The following ABCC11 variants were observed in gnomAD, a reference collection of about 807,000 sequenced individuals.
The protein encoded by ABCC11 is ATP-binding cassette sub-family C member 11.
In ABCC11, 135 loss-of-function variants were observed where a neutral mutation model predicts 149.3. The observed-to-expected ratio is 0.90, with a 90% confidence interval of 0.79 to 1.04. ABCC11 has a LOEUF of 1.04. Ranked by LOEUF, ABCC11 falls within the 50% of genes least tolerant of loss-of-function variation. The pLI is 0.00. For synonymous variants in ABCC11, 665 were observed against 671.4 expected (o/e 0.99, Z 0.15); for missense variants, 1,680 against 1,722.1 (o/e 0.98, Z 0.43).
At chr16:48,213,621 T>C (rs956869139) in intron 9 of ABCC11, 71 bp from the exon 10 acceptor site, 113 of 1,193,104 alleles carry the variant, frequency 9.5e-5, no homozygotes, top group Non-Finnish European at 1.3e-4. Flanking sequence ...GTCACCCGCA[T>C]CCCTGAGCCA....
At chr16:48,177,170 C>G (rs1034727987) in intron 24 of ABCC11, 57 bp from the exon 25 acceptor site, 23 of 1,527,658 alleles carry the variant, frequency 1.5e-5, no homozygotes, top group Non-Finnish European at 1.9e-5. Context: ...CGGCCCATCC[C>G]CTGCGGGCCT....
intron 25 of ABCC11, among the ~76,000 whole-genome samples, chr16:48,176,387 G>C (rs1418681713): frequency 6.6e-6 from 1 of 152,114 alleles, no homozygotes. Flanking sequence ...AGGAGAGGAA[G>C]ACAGGGAGAG....
rs752422899 is a variant in ABCC11 at position 48,230,486 on chromosome 16, TC to T, written c.186del (p.Lys63SerfsTer6). The T allele has an allele frequency of 3.7e-5, 59 of 1,612,228 alleles. No individual in the cohort carries two copies. The highest frequency in any genetic ancestry group is 8.4e-5 in the Admixed American group (5 of 59,704). ...ATGGTTCTCAAGGCAGCATCATACTTCCCCCACGGTGGGACAGCTGCCCTCC... is the reference window on the plus strand; with the variant it reads ...ATGGTTCTCAAGGCAGCATCATACTTCCCCACGGTGGGACAGCTGCCCTCC... ...APGRAAVPPW[G>X]KYDAALRTMI... On this transcript the variant is annotated frameshift_variant, in exon 3 of 30. Coordinates refer to ENST00000356608, the MANE Select transcript of ABCC11 (RefSeq NM_001370497.1). LOFTEE classifies it high-confidence loss of function.
rs2150850147 is a variant in ABCC11, at chr16:48,208,565, G to A, written c.1609-69C>T. 5 of 1,557,802 alleles carry A rather than the reference G, an allele frequency of 3.2e-6. No individual in the cohort carries two copies. The South Asian group carries it at 5.6e-5, about 18-fold the overall frequency. ...CTGGCATACCCACCTGCCCATGGCG[G>A]CTCAACTGTTTAGAACCCAAAACAA... On this transcript the variant is annotated intron_variant, in intron 11 of 29. Transcript: ENST00000356608.
chr16:48,230,122 T>G (rs1349508908), intron 3 of ABCC11, among the ~76,000 whole-genome samples: 4 of 152,200 alleles, frequency 2.6e-5, no homozygotes, highest in African/African-American at 9.7e-5. Flanking sequence ...ATGCACAAGT[T>G]TATTTGCTTA....
rs148846162 is a variant in ABCC11 at position 48,211,999 on chromosome 16, T to C, written c.1357-800A>G. Among the ~76,000 whole-genome samples the C allele has an allele frequency of 6.2e-3, 943 of 152,296 alleles. 2 individuals are homozygous for C. The highest frequency in any genetic ancestry group is 0.011 in the Non-Finnish European group (719 of 68,024). On this transcript the variant is annotated intron_variant, in intron 10 of 29. Transcript: ENST00000356608. ...TCTTACCCATCCTTCTGAGCTCAGA[T>C]TGTGGCTTCCTCATCTCTGCCCCCT...
At chr16:48,177,640 T>C (rs1392874261) in intron 24 of ABCC11, among the ~76,000 whole-genome samples, 1 of 152,234 alleles carries the variant, frequency 6.6e-6, no homozygotes, top group Non-Finnish European at 1.5e-5. Flanking sequence ...CAGATCTGCC[T>C]AACGCCGAGC....
intron 23 of ABCC11, among the ~76,000 whole-genome samples, chr16:48,182,051 C>G (rs989353128): frequency 2.6e-5 from 4 of 152,174 alleles, no homozygotes; most frequent in Admixed American, 2.6e-4. Flanking sequence ...TTATTGCACT[C>G]CCAGTGCATG....
chr16:48,210,420 T>C (rs1246665814), intron 11 of ABCC11: 2 of 153,156 alleles, frequency 1.3e-5, no homozygotes, highest in African/African-American at 2.4e-5. Flanking sequence ...TTTATCATTA[T>C]ATATAGATCA....
chr16:48,232,077 T>A, intron 1 of ABCC11, 138 bp from the exon 2 acceptor site: 1 of 1,445,172 alleles, frequency 6.9e-7, no homozygotes, highest in East Asian at 2.5e-5. Context: ...GGGTGCCTGC[T>A]CTTTCCTCTC....
intron 13 of ABCC11, among the ~76,000 whole-genome samples, chr16:48,204,858 C>T (rs563795934): frequency 2.0e-5 from 3 of 152,148 alleles, no homozygotes; most frequent in South Asian, 2.1e-4. Context: ...CAGGTTAACC[C>T]GAGAATTCTA....
rs925780109 is a variant in ABCC11 at position 48,193,970 on chromosome 16, G to C, written c.2417C>G (p.Ser806Cys). ...CACCACGAAGAAGAAAATTATGCAA[G>C]AGACCATGTAACCTGGGAGGGAGAC... ...YIQAAGGYMV[S>C]CIIFFFVVLI... The change falls in exon 19 of 30, where the codon TCT becomes TGT. Residue 806 changes from serine to cysteine, a missense_variant. Coordinates refer to ENST00000356608, the MANE Select transcript of ABCC11 (RefSeq NM_001370497.1). 5 of 1,612,730 alleles carry C rather than the reference G, an allele frequency of 3.1e-6. No individual in the cohort carries two copies. The highest frequency in any genetic ancestry group is 1.3e-5 in the African/African-American group (1 of 75,006).
intron 23 of ABCC11, 121 bp downstream of exon 23, chr16:48,184,319 T>C: frequency 8.2e-7 from 1 of 1,221,546 alleles, no homozygotes; most frequent in African/African-American, 1.5e-5. Flanking sequence ...GCTCCTAAGA[T>C]CACACGTGGC....
intron 14 of ABCC11, among the ~76,000 whole-genome samples, chr16:48,201,732 A>G (rs1187378258): frequency 6.6e-6 from 1 of 152,136 alleles, no homozygotes; most frequent in Non-Finnish European, 1.5e-5. Flanking sequence ...CAATGGCTGC[A>G]AGGAGCTTTA....
At chr16:48,245,948 T>C (rs1385807490) in intron 1 of ABCC11, among the ~76,000 whole-genome samples, 1 of 152,192 alleles carries the variant, frequency 6.6e-6, no homozygotes, top group Non-Finnish European at 1.5e-5. Context: ...GCTTCTCCTT[T>C]CCTGGCAGTT....
rs766981154 is a variant in ABCC11, at chr16:48,178,702, A to G, written c.3259-16T>C. On this transcript the variant is annotated splice_polypyrimidine_tract_variant and intron_variant, in intron 23 of 29. Coordinates refer to ENST00000356608, the MANE Select transcript of ABCC11 (RefSeq NM_001370497.1). ...TGGACGCCAGCTAGAAGGAAGGAGA[A>G]GTATCGGGGGTCAAGAGGCTGCTGG... 2 of 1,613,258 alleles carry G rather than the reference A, an allele frequency of 1.2e-6. No homozygotes were observed. Among genetic ancestry groups the G allele is most frequent in the Non-Finnish European group, 1.7e-6 (2 of 1,179,378 alleles).
intron 23 of ABCC11, 146 bp downstream of exon 23, chr16:48,184,294 A>T: frequency 1.0e-6 from 1 of 974,748 alleles, no homozygotes; most frequent in Non-Finnish European, 1.5e-6. Context: ...CCAATTTCAG[A>T]AGGCCAAGCA....
At chr16:48,244,900 G>A (rs191397310) in intron 1 of ABCC11, among the ~76,000 whole-genome samples, 27 of 152,246 alleles carry the variant, frequency 1.8e-4, no homozygotes, top group Non-Finnish European at 3.5e-4. Context: ...CCCCCTCTCC[G>A]CAATTCCTCG....
chr16:48,168,296 T>C (rs1416676349), intron 28 of ABCC11, among the ~76,000 whole-genome samples: 2 of 152,162 alleles, frequency 1.3e-5, no homozygotes, highest in Non-Finnish European at 2.9e-5. Flanking sequence ...AATGGCTATG[T>C]AATTGAAATA....
Sources: allele counts gnomAD v4.1 joint callset (sites outside exome capture counted in the v4.1 genomes callset), GRCh38; gene constraint gnomAD v4.1.1; transcripts MANE v1.5; gene names NCBI Gene and HGNC (gene_info 2026-07-23, HGNC 2026-07-21).